Variants in BTBD8 observed in about 807,000 individuals in gnomAD.
The protein encoded by BTBD8 is BTB domain containing 8.
In BTBD8, 110 loss-of-function variants were observed where a neutral mutation model predicts 162.9. That is an observed-to-expected ratio of 0.68 (90% CI 0.58 to 0.79). BTBD8 has a LOEUF of 0.79. Ranked by LOEUF, BTBD8 falls within the 30% of genes least tolerant of loss-of-function variation. The probability of loss-of-function intolerance (pLI) is 0.00; values close to 1 mark genes in which losing one functional copy is unlikely to be tolerated. For missense variants in BTBD8, 1,905 were observed against 2,085.4 expected (o/e 0.91, Z 1.68); for synonymous variants, 667 against 716.1 (o/e 0.93, Z 1.10).
chr1:92,171,862 G>A (rs1026116652), intron 13 of BTBD8, among the ~76,000 whole-genome samples: 10 of 152,154 alleles, frequency 6.6e-5, no homozygotes, highest in African/African-American at 1.9e-4. Flanking sequence ...AGGCCGAGGC[G>A]GATGGATCAC....
chr1:92,164,155 A>C (rs571181899), intron 9 of BTBD8, among the ~76,000 whole-genome samples: 39 of 152,292 alleles, frequency 2.6e-4, no homozygotes, highest in Non-Finnish European at 5.1e-4. Context: ...GACTTTTTAA[A>C]ATTTTACTCA....
rs967970610 is a variant in BTBD8, at chr1:92,081,627, G to T, written c.149+907G>T. Among the ~76,000 whole-genome samples, 4 of 152,026 alleles carry T rather than the reference G, an allele frequency of 2.6e-5. No individual in the cohort carries two copies. The South Asian group carries it at 8.3e-4, about 32-fold the overall frequency. On this transcript the variant is annotated intron_variant, in intron 1 of 17. Transcript: ENST00000636805. ...CTCGCTCTGTCGCCCAGGCTGGAGC[G>T]CCGTGGCGCGATCTCGGCTCACTGC...
intron 6 of BTBD8, chr1:92,139,963 A>T (rs1197523341): frequency 2.1e-5 from 3 of 141,140 alleles, no homozygotes; most frequent in South Asian, 2.2e-4. Context: ...AAAAAAAAAA[A>T]GCTGGGCATG....
At chr1:92,081,794 G>A (rs975324841) in intron 1 of BTBD8, among the ~76,000 whole-genome samples, 8 of 152,108 alleles carry the variant, frequency 5.3e-5, no homozygotes, top group Non-Finnish European at 8.8e-5. Context: ...GGCTAGTCAC[G>A]AACTCGTGAC....
At chr1:92,123,812 T>C (rs1357150866) in intron 4 of BTBD8, among the ~76,000 whole-genome samples, 1 of 136,520 alleles carries the variant, frequency 7.3e-6, no homozygotes, top group Admixed American at 7.5e-5. Flanking sequence ...TTTGTAGAAA[T>C]AATTTGACAC....
chr1:92,118,806 T>TCTTTC (rs1053203524), intron 4 of BTBD8, among the ~76,000 whole-genome samples: 1 of 145,848 alleles, frequency 6.9e-6, no homozygotes, highest in Non-Finnish European at 1.5e-5. Flanking sequence ...TTTCTTTCTT[T>TCTTTC]TTTTTTTTTT....
intron 9 of BTBD8, among the ~76,000 whole-genome samples, chr1:92,151,651 A>G (rs1650049408): frequency 6.6e-6 from 1 of 152,132 alleles, no homozygotes. Context: ...CACCTGAACA[A>G]TGTACACTGC....
intron 4 of BTBD8, among the ~76,000 whole-genome samples, chr1:92,122,976 G>T (rs555096015): frequency 1.3e-5 from 2 of 152,130 alleles, no homozygotes; most frequent in African/African-American, 4.8e-5. Flanking sequence ...ATTTTAATTG[G>T]GTTGTGTTAT....
Position 92,177,183 on chromosome 1 carries a change from ACAG to A in BTBD8, c.2005_2007del (p.Ala669del), listed in dbSNP as rs759710231. ...TAGACAAGTTGTAGAAAGATCAGCA[ACAG>A]CAGCAGCAGCAGCAACTGGACAGAA... On this transcript the variant is annotated inframe_deletion, in exon 14 of 18. Coordinates refer to ENST00000636805, the MANE Select transcript of BTBD8 (RefSeq NM_001376131.1). 1.3e-6 allele frequency: 2 copies of A among 1,551,176 alleles called. No individual in the cohort carries two copies. The highest frequency in any genetic ancestry group is 2.4e-5 in the East Asian group (1 of 40,920).
intron 4 of BTBD8, 52 bp from the exon 5 acceptor site, chr1:92,129,635 T>G: frequency 7.4e-7 from 1 of 1,354,270 alleles, no homozygotes; most frequent in Non-Finnish European, 1.1e-6. Flanking sequence ...AAAATTACAT[T>G]TTGAATAATA....
intron 3 of BTBD8, 80 bp from the exon 4 acceptor site, chr1:92,107,804 C>T: frequency 8.9e-7 from 1 of 1,128,634 alleles, no homozygotes; most frequent in Non-Finnish European, 1.2e-6. Flanking sequence ...ATGTGGGAAA[C>T]CTCTTGATAA....
intron 4 of BTBD8, among the ~76,000 whole-genome samples, chr1:92,120,982 C>T (rs1334110928): frequency 1.3e-5 from 2 of 152,154 alleles, no homozygotes; most frequent in Admixed American, 6.6e-5. Flanking sequence ...AGGCTGGTCT[C>T]AAACTCCTGG....
rs1649767821 is a variant in BTBD8, at chr1:92,141,152, G to A, written c.871G>A (p.Gly291Arg). Reference sequence around the variant, plus strand: ...TATGGCTGATATGTATGGACTAGAAGGATTAAAAGAAGTAGCAATCTATAT... The same window carrying A: ...TATGGCTGATATGTATGGACTAGAAAGATTAAAAGAAGTAGCAATCTATAT... Reference protein sequence around the residue: ...LNMADMYGLEGLKEVAIYILR... With the variant: ...LNMADMYGLERLKEVAIYILR... Residue 291 changes from glycine (G) to arginine (R), a missense_variant, in exon 7 of 18, where the codon GGA (glycine) becomes AGA (arginine). Coordinates refer to ENST00000636805, the MANE Select transcript of BTBD8 (RefSeq NM_001376131.1). 3 of 1,581,316 alleles carry A rather than the reference G, an allele frequency of 1.9e-6. No individual in the cohort carries two copies. The highest frequency in any genetic ancestry group is 2.6e-6 in the Non-Finnish European group (3 of 1,162,336).
intron 4 of BTBD8, among the ~76,000 whole-genome samples, chr1:92,121,126 A>G (rs945564677): frequency 1.3e-5 from 2 of 152,210 alleles, no homozygotes; most frequent in African/African-American, 2.4e-5. Flanking sequence ...GCTTTCCTGC[A>G]TTGATTTTGA....
At chr1:92,107,133 A>G (rs1237583890) in intron 3 of BTBD8, among the ~76,000 whole-genome samples, 1 of 152,138 alleles carries the variant, frequency 6.6e-6, no homozygotes, top group East Asian at 1.9e-4. Flanking sequence ...TTAGCCTGAT[A>G]ACACAGGTCA....
At chr1:92,134,129 GAAGGAACTCCA>G (rs1553123521) in intron 5 of BTBD8, among the ~76,000 whole-genome samples, 96,039 of 151,944 alleles carry the variant, frequency 0.63, 30,873 homozygotes, top group East Asian at 0.97. Context: ...ACACTTCTGT[GAAGGAACTCCA>G]CTTGTTTCAT....
At chr1:92,126,250 A>G in intron 4 of BTBD8, 2 of 587,718 alleles carry the variant, frequency 3.4e-6, no homozygotes, top group South Asian at 2.8e-5. Flanking sequence ...TGATAAGAAA[A>G]TGAAGAGTTT....
chr1:92,123,792 A>AG (rs1472997132), intron 4 of BTBD8, among the ~76,000 whole-genome samples: 16 of 151,404 alleles, frequency 1.1e-4, no homozygotes, highest in Middle Eastern at 3.4e-3. Flanking sequence ...AAAAAAAAAA[A>AG]AAAAGAAAAT....
intron 15 of BTBD8, 21 bp downstream of exon 15, chr1:92,177,919 T>G (rs756764002): frequency 8.1e-6 from 10 of 1,238,924 alleles, no homozygotes. Flanking sequence ...ATTCAGTGTT[T>G]TAACCTATCT....
Sources: allele counts gnomAD v4.1 joint callset (sites outside exome capture counted in the v4.1 genomes callset), GRCh38; gene constraint gnomAD v4.1.1; transcripts MANE v1.5; gene names NCBI Gene and HGNC (gene_info 2026-07-23, HGNC 2026-07-21).